The following FOXN3 variants were observed in gnomAD, a reference collection of about 807,000 sequenced individuals.
The protein encoded by FOXN3 is forkhead box protein N3.
In FOXN3, 7 loss-of-function variants were observed where a neutral mutation model predicts 38.4. The observed-to-expected ratio is 0.18, with a 90% CI of 0.10 to 0.34. The LOEUF is 0.34. Ranked by LOEUF, FOXN3 falls within the 10% of genes least tolerant of loss-of-function variation. The pLI, the probability that FOXN3 is intolerant of heterozygous loss-of-function variation, is 1.00. For synonymous variants in FOXN3, 230 were observed against 242.2 expected (o/e 0.95, Z 0.47); for missense variants, 456 against 613.4 (o/e 0.74, Z 2.71).
intron 2 of FOXN3, among the ~76,000 whole-genome samples, chr14:89,383,079 A>G (rs1890703752): frequency 1.6e-5 from 2 of 123,920 alleles, no homozygotes; most frequent in Non-Finnish European, 1.6e-5. Context: ...AGTCAGTACC[A>G]TCTGTGAATT....
chr14:89,612,910 C>G (rs11159915), intron 1 of FOXN3, among the ~76,000 whole-genome samples: 63,820 of 151,134 alleles, frequency 0.42, 13,610 homozygotes, highest in Admixed American at 0.53. Context: ...ATGAGGTCAG[C>G]AGTTTCAGAC....
At chr14:89,273,545 G>A (rs58429215) in intron 4 of FOXN3, among the ~76,000 whole-genome samples, 24,508 of 152,256 alleles carry the variant, frequency 0.16, 2,203 homozygotes, top group East Asian at 0.29. Context: ...AAGAAGGGGG[G>A]TAACTGGAGA....
intron 3 of FOXN3, among the ~76,000 whole-genome samples, chr14:89,332,106 T>C (rs7158931): frequency 0.014 from 2,177 of 152,342 alleles, 58 homozygotes; most frequent in African/African-American, 0.048. Flanking sequence ...GTTCATGTGG[T>C]GTCCCACCTA....
rs9796319 is a variant in FOXN3, at chr14:89,288,687, T to G, written c.681-7673A>C. Among the ~76,000 whole-genome samples, 141 of 94,810 alleles carry G rather than the reference T, an allele frequency of 1.5e-3. 6 individuals are homozygous for G. The highest frequency in any genetic ancestry group is 4.8e-3 in the Middle Eastern group (1 of 208). The allele number at this position is 94,810 out of a possible 152,430, so 62.2% of individuals were successfully genotyped here. On this transcript the variant is annotated intron_variant, in intron 3 of 5. Transcript: ENST00000557258. ...CACTCTCTTTCTCTCTCTCTCTCTC[T>G]CTCTCTCTCTCTCTCTCTCTCTCTC...
intron 3 of FOXN3, among the ~76,000 whole-genome samples, chr14:89,335,688 A>AT (rs1401653514): frequency 6.6e-6 from 1 of 152,196 alleles, no homozygotes; most frequent in Non-Finnish European, 1.5e-5. Context: ...ATATCTATTC[A>AT]TTTTTATTTC....
intron 3 of FOXN3, among the ~76,000 whole-genome samples, chr14:89,329,693 T>C (rs972563809): frequency 2.0e-5 from 3 of 151,672 alleles, no homozygotes; most frequent in Non-Finnish European, 4.4e-5. Flanking sequence ...CTGTCTCTAC[T>C]AAAAATACAA....
intron 1 of FOXN3, among the ~76,000 whole-genome samples, chr14:89,489,591 G>A (rs1566673331): frequency 6.6e-6 from 1 of 152,140 alleles, no homozygotes; most frequent in Non-Finnish European, 1.5e-5. Context: ...CTCCTGGTGA[G>A]CACAACTCAG....
rs1032342053 is a variant in FOXN3, at chr14:89,160,220, C to T, written c.*2194G>A. On this transcript the variant is annotated 3_prime_UTR_variant, in exon 6 of 6. Coordinates refer to ENST00000557258, the MANE Select transcript of FOXN3 (RefSeq NM_005197.4). ...AGAGATTTCTCTTTGTACCCCCGCC[C>T]CCCGCCCCCGCCATTAAAGAAAATT... The T allele has an allele frequency of 9.1e-6, 1 of 109,326 alleles. No individual in the cohort carries two copies. Among genetic ancestry groups the T allele is most frequent in the South Asian group, 3.9e-4 (1 of 2,556 alleles). The allele number at this position is 109,326 out of a possible 1,614,324, so 6.8% of individuals were successfully genotyped here.
chr14:89,565,706 T>C (rs1463490662), intron 1 of FOXN3, among the ~76,000 whole-genome samples: 1 of 152,188 alleles, frequency 6.6e-6, no homozygotes, highest in African/African-American at 2.4e-5. Flanking sequence ...CAGAACCCTA[T>C]GCCCACAAGT....
chr14:89,166,127 AT>A (rs1439466084), intron 5 of FOXN3, among the ~76,000 whole-genome samples: 1 of 152,264 alleles, frequency 6.6e-6, no homozygotes, highest in African/African-American at 2.4e-5. Flanking sequence ...AAGTTTGAAC[AT>A]TTTTTAAATC....
intron 1 of FOXN3, among the ~76,000 whole-genome samples, chr14:89,559,281 G>A (rs1325075670): frequency 1.3e-5 from 2 of 152,178 alleles, no homozygotes; most frequent in African/African-American, 2.4e-5. Flanking sequence ...TTGGGAGGCT[G>A]AACTGGGAGG....
At chr14:89,311,416 G>T (rs1887542354) in intron 3 of FOXN3, among the ~76,000 whole-genome samples, 1 of 143,830 alleles carries the variant, frequency 7.0e-6, no homozygotes, top group Non-Finnish European at 1.5e-5. Context: ...AGGTTGCAGT[G>T]AGCCAAGATC....
chr14:89,493,397 C>T (rs988820125), intron 1 of FOXN3, among the ~76,000 whole-genome samples: 15 of 152,276 alleles, frequency 9.9e-5, no homozygotes, highest in African/African-American at 2.9e-4. Flanking sequence ...AATAAATACT[C>T]ATTTGAACAC....
chr14:89,488,089 T>C (rs978211836), intron 1 of FOXN3, among the ~76,000 whole-genome samples: 8 of 112,690 alleles, frequency 7.1e-5, no homozygotes, highest in South Asian at 2.6e-4. Context: ...GGGGCTCTTC[T>C]TTTTTTTTTT....
At chr14:89,369,017 G>A (rs1890235131) in intron 2 of FOXN3, among the ~76,000 whole-genome samples, 1 of 152,146 alleles carries the variant, frequency 6.6e-6, no homozygotes, top group Admixed American at 6.5e-5. Context: ...TGGCCACCAT[G>A]TCATGAGTCC....
chr14:89,350,640 T>G, intron 3 of FOXN3, 32 bp downstream of exon 3: 7 of 1,482,138 alleles, frequency 4.7e-6, no homozygotes, highest in Non-Finnish European at 5.4e-6. Context: ...GCCATTTCAG[T>G]AGACCAAAAA....
chr14:89,366,529 C>T (rs1229636600), intron 2 of FOXN3, among the ~76,000 whole-genome samples: 1 of 152,142 alleles, frequency 6.6e-6, no homozygotes, highest in Non-Finnish European at 1.5e-5. Flanking sequence ...GAAAGGCAAG[C>T]TGACAGTGCT....
Position 89,513,166 on chromosome 14 carries a change from A to AAG in FOXN3, c.-14-100677_-14-100676insCT, listed in dbSNP as rs1555358189. ...CCATCTCAGGAAAAAAAAAAAAAAA[A>AAG]AAAGAAAAAGAAAGAAAGAAACTAG... is the stretch of plus-strand genomic sequence containing the variant. On this transcript the variant is annotated intron_variant, in intron 1 of 6. Coordinates refer to the FOXN3 transcript ENST00000345097. 8.9e-4 allele frequency among the ~76,000 whole-genome samples: 134 copies of AAG among 150,718 alleles called. 1 individual carries two copies. Among genetic ancestry groups the AAG allele is most frequent in the African/African-American group, 3.0e-3 (124 of 41,100 alleles).
At chr14:89,373,417 T>A (rs1890380397) in intron 2 of FOXN3, among the ~76,000 whole-genome samples, 1 of 150,126 alleles carries the variant, frequency 6.7e-6, no homozygotes, top group Non-Finnish European at 1.5e-5. Context: ...AGAGGAAGTA[T>A]TTTGCAACAA....
Sources: gnomAD v4.1 joint callset for allele counts (sites outside exome capture counted in the v4.1 genomes callset) on GRCh38, gnomAD v4.1.1 for gene constraint, MANE v1.5 for transcripts, NCBI Gene and HGNC (gene_info 2026-07-23, HGNC 2026-07-21) for gene names.